SORCS3: variants seen among roughly 807,000 people sequenced by gnomAD.
The protein encoded by SORCS3 is sortilin related VPS10 domain containing receptor 3, also known as VPS10 domain-containing receptor SorCS3.
Under a neutral mutation model 146.3 loss-of-function variants are expected in SORCS3, and 57 were observed. The ratio of observed to expected loss-of-function variants is 0.39; its 90% CI spans 0.31 to 0.49. The LOEUF is 0.49. Among genes scored for constraint, SORCS3 ranks in the 20% least tolerant of loss-of-function variants. The pLI is 0.92. For missense variants in SORCS3, 1,341 were observed against 1,575.5 expected, an observed-to-expected ratio of 0.85 and a Z score of 2.52; for synonymous variants, 653 against 618.5, an observed-to-expected ratio of 1.06 and a Z score of -0.83.
chr10:105,188,089 T>C (rs2056490747), intron 14 of SORCS3, among the ~76,000 whole-genome samples: 1 of 152,106 alleles, frequency 6.6e-6, no homozygotes, highest in African/African-American at 2.4e-5. Context: ...GGCTTCAGGG[T>C]ACCTCTAACT....
chr10:104,683,995 G>C (rs2016012787), intron 1 of SORCS3, among the ~76,000 whole-genome samples: 1 of 152,182 alleles, frequency 6.6e-6, no homozygotes, highest in South Asian at 2.1e-4. Flanking sequence ...TATAGTAACA[G>C]AGAATGTTGT....
chr10:104,714,043 T>G (rs2016449440), intron 1 of SORCS3, among the ~76,000 whole-genome samples: 1 of 152,184 alleles, frequency 6.6e-6, no homozygotes, highest in Non-Finnish European at 1.5e-5. Context: ...TAAGCATAGT[T>G]ATCTGTAGTA....
At chr10:105,068,266 A>G (rs1021732013) in intron 5 of SORCS3, among the ~76,000 whole-genome samples, 4 of 152,158 alleles carry the variant, frequency 2.6e-5, no homozygotes, top group Admixed American at 6.5e-5. Context: ...CTATCCATCA[A>G]ATTGTCTGAC....
intron 25 of SORCS3, among the ~76,000 whole-genome samples, chr10:105,260,225 G>T (rs1237443068): frequency 6.6e-6 from 1 of 152,150 alleles, no homozygotes; most frequent in Non-Finnish European, 1.5e-5. Context: ...GGAAAGGGGA[G>T]GCAGTTGACT....
intron 1 of SORCS3, among the ~76,000 whole-genome samples, chr10:104,669,906 A>G (rs1404571456): frequency 1.3e-5 from 2 of 150,278 alleles, no homozygotes; most frequent in African/African-American, 4.9e-5. Flanking sequence ...TTTTTTTTTT[A>G]TAGTAGTCAT....
chr10:104,919,954 G>T (rs1398487383), intron 3 of SORCS3, among the ~76,000 whole-genome samples: 2 of 152,130 alleles, frequency 1.3e-5, no homozygotes, highest in East Asian at 3.9e-4. Context: ...ACTCTTATTT[G>T]TTCCTTTATT....
chr10:105,214,790 C>T (rs2119650018), intron 18 of SORCS3, among the ~76,000 whole-genome samples, 177 bp downstream of exon 18: 1 of 152,336 alleles, frequency 6.6e-6, no homozygotes, highest in East Asian at 1.9e-4. Context: ...TACTGACCCT[C>T]CTCCCTTTAT....
In SORCS3 at chr10:105,074,234, C is replaced by T. The variant is rs557305149; in HGVS notation, c.1029-15541C>T. On this transcript the variant is annotated intron_variant, in intron 5 of 26. Coordinates refer to ENST00000369701, the MANE Select transcript of SORCS3 (RefSeq NM_014978.3). ...ACCAGATGTGCTGTGGAGCCAAGTC[C>T]GTGTGAGCTGTGTTTGAATTGGGAG... is the stretch of plus-strand genomic sequence containing the variant. Among the ~76,000 whole-genome samples, 12 of 152,254 alleles carry T rather than the reference C, an allele frequency of 7.9e-5. No individual in the cohort carries two copies. In the South Asian group the frequency reaches 1.9e-3, roughly 24 times the overall value.
chr10:105,125,372 C>T (rs2055966147), intron 7 of SORCS3, among the ~76,000 whole-genome samples: 1 of 152,086 alleles, frequency 6.6e-6, no homozygotes, highest in African/African-American at 2.4e-5. Flanking sequence ...GTTATTACAG[C>T]TTATGTGGTA....
chr10:105,122,642 C>A (rs1452266), intron 7 of SORCS3, among the ~76,000 whole-genome samples: 73,641 of 152,038 alleles, frequency 0.48, 18,377 homozygotes, highest in Non-Finnish European at 0.54. Flanking sequence ...CTCATTTTGC[C>A]TTGTCTTGGT....
chr10:105,213,555 T>C lies in SORCS3; in HGVS notation c.2376-887T>C, dbSNP rs192286602. 3.6e-3 allele frequency among the ~76,000 whole-genome samples: 551 copies of C among 152,258 alleles called. 1 individual carries two copies. The highest frequency in any genetic ancestry group is 0.014 in the Middle Eastern group (4 of 294). Reference sequence around the variant, plus strand: ...TGTGGTTTTTTACCAGAACATTTGTTTTTTCAGTGCAGCCTTATAGATGGT... The same window carrying C: ...TGTGGTTTTTTACCAGAACATTTGTCTTTTCAGTGCAGCCTTATAGATGGT... On this transcript the variant is annotated intron_variant, in intron 17 of 26. Coordinates refer to ENST00000369701, the MANE Select transcript of SORCS3 (RefSeq NM_014978.3).
At chr10:104,756,500 G>C (rs2017052380) in intron 1 of SORCS3, among the ~76,000 whole-genome samples, 1 of 152,236 alleles carries the variant, frequency 6.6e-6, no homozygotes, top group Non-Finnish European at 1.5e-5. Flanking sequence ...TAAATAACTA[G>C]GAAGGGCAGG....
chr10:105,124,479 C>T (rs1000478227), intron 7 of SORCS3, among the ~76,000 whole-genome samples: 1 of 152,118 alleles, frequency 6.6e-6, no homozygotes, highest in Non-Finnish European at 1.5e-5. Context: ...TGTTTGCCAG[C>T]CTGACTCCCT....
intron 4 of SORCS3, among the ~76,000 whole-genome samples, chr10:105,041,845 C>A (rs550989974): frequency 6.6e-6 from 1 of 152,148 alleles, no homozygotes; most frequent in African/African-American, 2.4e-5. Context: ...AACTTGATAG[C>A]CACTCTGGCT....
chr10:105,263,033 G>T (rs902902008), intron 26 of SORCS3, among the ~76,000 whole-genome samples: 5 of 152,204 alleles, frequency 3.3e-5, no homozygotes, highest in Non-Finnish European at 5.9e-5. Context: ...CACATAGTAA[G>T]TTTCAATACA....
chr10:105,138,206 A>G (rs1173939410), intron 7 of SORCS3, among the ~76,000 whole-genome samples: 2 of 152,130 alleles, frequency 1.3e-5, no homozygotes, highest in Non-Finnish European at 2.9e-5. Flanking sequence ...AGTTTTTCCA[A>G]GTCTCTGCCT....
intron 4 of SORCS3, among the ~76,000 whole-genome samples, chr10:105,031,959 G>A (rs542144730): frequency 2.6e-5 from 4 of 152,216 alleles, no homozygotes; most frequent in Admixed American, 2.0e-4. Context: ...TTGGAAGGCC[G>A]AGGCAGGCAG....
intron 6 of SORCS3, among the ~76,000 whole-genome samples, chr10:105,090,412 G>A (rs1193679852): frequency 1.3e-5 from 2 of 152,070 alleles, no homozygotes; most frequent in Non-Finnish European, 2.9e-5. Flanking sequence ...CACATGACCC[G>A]CTGTGTACCT....
chr10:104,837,812 G>A (rs1426842925), intron 1 of SORCS3, among the ~76,000 whole-genome samples: 2 of 152,162 alleles, frequency 1.3e-5, no homozygotes, highest in South Asian at 2.1e-4. Context: ...GCAAGGGTAC[G>A]TTTTTCTCTT....
Sources: allele counts gnomAD v4.1 joint callset (sites outside exome capture counted in the v4.1 genomes callset), GRCh38; gene constraint gnomAD v4.1.1; transcripts MANE v1.5; gene names NCBI Gene and HGNC (gene_info 2026-07-23, HGNC 2026-07-21).